Variants in MBNL1 observed in about 807,000 individuals in gnomAD.
MBNL1 encodes the protein muscleblind-like protein 1.
MBNL1 carries 8 observed loss-of-function variants against 42.2 expected under a neutral mutation model. That is an observed-to-expected ratio of 0.19 (90% CI 0.11 to 0.34). The LOEUF (loss-of-function observed/expected upper bound fraction) is 0.34. Ranked by LOEUF, MBNL1 falls within the 10% of genes least tolerant of loss-of-function variation. MBNL1 has a pLI of 1.00. For synonymous variants in MBNL1, 169 were observed against 173.9 expected (o/e 0.97, Z 0.22); for missense variants, 309 against 495.3 (o/e 0.62, Z 3.57).
chr3:152,448,370 CTTA>C (rs1714749140), intron 6 of MBNL1, among the ~76,000 whole-genome samples: 2 of 152,232 alleles, frequency 1.3e-5, no homozygotes, highest in South Asian at 2.1e-4. Context: ...GTGGTTTCAG[CTTA>C]TTTTCAATTT....
chr3:152,385,217 C>T (rs2097359367), intron 2 of MBNL1, among the ~76,000 whole-genome samples: 2 of 151,754 alleles, frequency 1.3e-5, no homozygotes, highest in South Asian at 4.2e-4. Flanking sequence ...AAAAATATTT[C>T]TTCTTGTATT....
intron 1 of MBNL1, among the ~76,000 whole-genome samples, chr3:152,277,354 A>G (rs2045862100): frequency 6.6e-6 from 1 of 152,154 alleles, no homozygotes; most frequent in Non-Finnish European, 1.5e-5. Context: ...ATTAAAGTCC[A>G]TGCTCAGAAT....
At chr3:152,281,884 C>T (rs116761788) in intron 1 of MBNL1, among the ~76,000 whole-genome samples, 3 of 152,082 alleles carry the variant, frequency 2.0e-5, no homozygotes, top group Non-Finnish European at 4.4e-5. Context: ...GCTCTACATT[C>T]ACTTGGAGAT....
intron 2 of MBNL1, among the ~76,000 whole-genome samples, chr3:152,358,183 G>A (rs2095664323): frequency 6.6e-6 from 1 of 152,194 alleles, no homozygotes; most frequent in Non-Finnish European, 1.5e-5. Context: ...TGTATAAAGA[G>A]AGATTTTTTT....
chr3:152,315,865 CA>C (rs2070715763), intron 2 of MBNL1, among the ~76,000 whole-genome samples: 2 of 116,186 alleles, frequency 1.7e-5, no homozygotes, highest in Non-Finnish European at 3.6e-5. Context: ...CACACACACA[CA>C]CTCTCTCTCT....
At chr3:152,342,718 G>A (rs2093560219) in intron 2 of MBNL1, among the ~76,000 whole-genome samples, 2 of 152,100 alleles carry the variant, frequency 1.3e-5, no homozygotes, top group Non-Finnish European at 2.9e-5. Flanking sequence ...GGGATAAGTA[G>A]CATAGTTTAG....
chr3:152,266,507 G>C, upstream of MBNL1: 1 of 152,140 alleles, frequency 6.6e-6, no homozygotes, highest in East Asian at 1.9e-4. Context: ...GAACACTACA[G>C]TTCTAACTTG....
In MBNL1 at chr3:152,454,587, C is replaced by A. The variant is rs546983744; in HGVS notation, c.962-955C>A. Among the ~76,000 whole-genome samples the A allele has an allele frequency of 1.4e-3, 220 of 152,272 alleles. 1 individual carries two copies. The highest frequency in any genetic ancestry group is 9.4e-4 in the Non-Finnish European group (64 of 68,012). On this transcript the variant is annotated intron_variant, in intron 6 of 9. Coordinates refer to ENST00000324210, the MANE Select transcript of MBNL1 (RefSeq NM_021038.5). Reference sequence around the variant, plus strand: ...ATTTACATGTCAAAGAGAACAAGGACTATCTATATATGCAACATTTATTTT... The same window carrying A: ...ATTTACATGTCAAAGAGAACAAGGAATATCTATATATGCAACATTTATTTT...
chr3:152,449,678 C>T (rs1718031488), intron 6 of MBNL1, among the ~76,000 whole-genome samples: 1 of 152,190 alleles, frequency 6.6e-6, no homozygotes, highest in South Asian at 2.1e-4. Context: ...TCAAACTTGT[C>T]TCTCTGTGCT....
intron 1 of MBNL1, among the ~76,000 whole-genome samples, chr3:152,294,960 G>A (rs1016301374): frequency 6.6e-6 from 1 of 152,166 alleles, no homozygotes; most frequent in Non-Finnish European, 1.5e-5. Flanking sequence ...CAGCAGTTTA[G>A]TGAAATTGAT....
At position 152,431,985 on chromosome 3, in the gene MBNL1, A is replaced by G. The variant is rs1235102408; in HGVS notation, c.346-732A>G. Among the ~76,000 whole-genome samples, 6 of 152,364 alleles carry G rather than the reference A, an allele frequency of 3.9e-5. No homozygotes were observed. In the South Asian group the frequency reaches 1.0e-3, roughly 26 times the overall value. On this transcript the variant is annotated intron_variant, in intron 3 of 9. Coordinates refer to ENST00000324210, the MANE Select transcript of MBNL1 (RefSeq NM_021038.5). The stretch of plus-strand genomic sequence containing the variant: ...GTAGCAGTTTATTCAGTGCTGCCAT[A>G]TGTATTTCCTTGACCAATCATGTAG...
At chr3:152,293,835 A>G (rs2057297786) in intron 1 of MBNL1, among the ~76,000 whole-genome samples, 1 of 152,184 alleles carries the variant, frequency 6.6e-6, no homozygotes, top group Non-Finnish European at 1.5e-5. Context: ...AAGAAATTTA[A>G]CCTTGCTCAT....
chr3:152,455,445 T>C, intron 6 of MBNL1, 97 bp from the exon 7 acceptor site: 1 of 990,164 alleles, frequency 1.0e-6, no homozygotes. Flanking sequence ...ATTTTTCTTC[T>C]TTGTTCAAAT....
intron 2 of MBNL1, among the ~76,000 whole-genome samples, chr3:152,341,587 C>CTTCTG (rs1320894940): frequency 6.6e-6 from 1 of 152,142 alleles, no homozygotes; most frequent in East Asian, 1.9e-4. Flanking sequence ...TCCTCTCTCC[C>CTTCTG]TTCTGTTCTG....
At chr3:152,373,341 GAAAAA>G (rs35536807) in intron 2 of MBNL1, among the ~76,000 whole-genome samples, 5 of 90,542 alleles carry the variant, frequency 5.5e-5, no homozygotes, top group African/African-American at 1.3e-4. Flanking sequence ...CTGGGGTATG[GAAAAA>G]AAAAAAAAAA....
chr3:152,447,563 C>T (rs551870360), intron 5 of MBNL1, 57 bp from the exon 6 acceptor site: 9 of 1,337,906 alleles, frequency 6.7e-6, no homozygotes, highest in South Asian at 2.9e-5. Flanking sequence ...ACTGATTTTT[C>T]TTTTTTCTTT....
chr3:152,398,114 A>C (rs2098059353), intron 2 of MBNL1, among the ~76,000 whole-genome samples: 1 of 152,208 alleles, frequency 6.6e-6, no homozygotes, highest in Admixed American at 6.5e-5. Context: ...ATGAAATTTG[A>C]AATTATTTTA....
chr3:152,383,578 A>G (rs888030945), intron 2 of MBNL1, among the ~76,000 whole-genome samples: 8 of 152,060 alleles, frequency 5.3e-5, no homozygotes, highest in Non-Finnish European at 8.8e-5. Context: ...AACAAAATCA[A>G]CAAAGGTTTC....
At chr3:152,435,840 G>A (rs1212018535) in intron 4 of MBNL1, among the ~76,000 whole-genome samples, 2 of 151,914 alleles carry the variant, frequency 1.3e-5, no homozygotes, top group Non-Finnish European at 2.9e-5. Flanking sequence ...TTTGGCTCTC[G>A]GCTTGGATGT....
Sources: allele counts gnomAD v4.1 joint callset (sites outside exome capture counted in the v4.1 genomes callset), GRCh38; gene constraint gnomAD v4.1.1; transcripts MANE v1.5; gene names NCBI Gene and HGNC (gene_info 2026-07-23, HGNC 2026-07-21).